QRICH1: variants seen among roughly 807,000 people sequenced by gnomAD.
QRICH1 encodes transcriptional regulator QRICH1.
Under a neutral mutation model 87.1 loss-of-function variants are expected in QRICH1, and 16 were observed. The observed-to-expected ratio is 0.18, with a 90% CI of 0.12 to 0.28. The LOEUF (loss-of-function observed/expected upper bound fraction) is 0.28. QRICH1 is among the 10% of genes least tolerant of loss of function. QRICH1 has a pLI of 1.00. For synonymous variants in QRICH1, 367 were observed against 368.4 expected (o/e 1.00, Z 0.05); for missense variants, 647 against 951.7 (o/e 0.68, Z 4.21).
At position 49,030,329 on chromosome 3, in the gene QRICH1, C is replaced by T; in HGVS notation, c.*123G>A. The stretch of plus-strand genomic sequence containing the variant: ...TCTTTTATATTTTAAACAGAAGCAG[C>T]CTGAAAGGCTTCGTAACTACACCAA... On this transcript the variant is annotated 3_prime_UTR_variant, in exon 10 of 10. Transcript: ENST00000395443. 2 of 918,734 alleles carry T rather than the reference C, an allele frequency of 2.2e-6. No individual in the cohort carries two copies. Among genetic ancestry groups the T allele is most frequent in the Non-Finnish European group, 1.6e-6 (1 of 628,514 alleles). The allele number at this position is 918,734 out of a possible 1,614,324, so 56.9% of individuals were successfully genotyped here. A position where few individuals can be genotyped will look rare whatever the true frequency, so the allele number is the denominator to read the frequency against.
chr3:49,073,123 G>T (rs568348865), intron 2 of QRICH1, among the ~76,000 whole-genome samples: 2 of 152,096 alleles, frequency 1.3e-5, no homozygotes, highest in Non-Finnish European at 2.9e-5. Flanking sequence ...TCTCCAGCAT[G>T]TTTCAGTCCC....
chr3:49,062,888 T>G (rs1018717603), intron 2 of QRICH1, among the ~76,000 whole-genome samples: 1 of 151,680 alleles, frequency 6.6e-6, no homozygotes, highest in Non-Finnish European at 1.5e-5. Context: ...TAGTCCCAGC[T>G]ACTCGGGAGG....
At chr3:49,060,967 C>T (rs2093431114) in intron 2 of QRICH1, among the ~76,000 whole-genome samples, 1 of 151,100 alleles carries the variant, frequency 6.6e-6, no homozygotes, top group Non-Finnish European at 1.5e-5. Flanking sequence ...CCCACCTCTA[C>T]TTCTACTAAA....
At chr3:49,063,804 G>T (rs1196514273) in intron 2 of QRICH1, among the ~76,000 whole-genome samples, 1 of 152,038 alleles carries the variant, frequency 6.6e-6, no homozygotes, top group African/African-American at 2.4e-5. Context: ...CAAAAAACTT[G>T]AATTTGGCCA....
chr3:49,083,186 C>G (rs1482688309), intron 1 of QRICH1: 2 of 112,366 alleles, frequency 1.8e-5, no homozygotes, highest in South Asian at 2.8e-4. Flanking sequence ...AGCCTGGCGA[C>G]AAAGTGAGAC....
At chr3:49,051,278 A>C (rs2093368504) in intron 3 of QRICH1, among the ~76,000 whole-genome samples, 1 of 152,144 alleles carries the variant, frequency 6.6e-6, no homozygotes, top group Admixed American at 6.6e-5. Flanking sequence ...CTTTGGCCTT[A>C]ACCTACTGGA....
Position 49,057,921 on chromosome 3 carries a change from A to G in QRICH1, c.310-31T>C. The G allele has an allele frequency of 2.5e-6, 4 of 1,613,958 alleles. No homozygotes were observed. The highest frequency in any genetic ancestry group is 1.7e-6 in the Non-Finnish European group (2 of 1,180,004). On this transcript the variant is annotated intron_variant, in intron 2 of 9. Coordinates refer to ENST00000395443, the MANE Select transcript of QRICH1 (RefSeq NM_198880.3). The surrounding 1 kb of genome is among the most constrained non-coding windows in gnomAD (Gnocchi z 5.4). ...AGCAACAAGATTCATCAGTGAGTGA[A>G]CCAGGCAGCACTGAAAATCCAGTAC...
At chr3:49,032,123 C>T (rs2093244492) in intron 9 of QRICH1, 60 bp downstream of exon 9, 2 of 1,278,636 alleles carry the variant, frequency 1.6e-6, no homozygotes, top group Admixed American at 1.7e-5. Context: ...CACAAGTGAG[C>T]ATGCACACGC....
intron 3 of QRICH1, among the ~76,000 whole-genome samples, chr3:49,053,896 A>C (rs769938977): frequency 2.0e-5 from 3 of 152,168 alleles, no homozygotes; most frequent in Non-Finnish European, 4.4e-5. Context: ...CATGTGCTGT[A>C]AAGTGGTCCA....
chr3:49,079,499 A>G (rs1019380621), intron 1 of QRICH1, among the ~76,000 whole-genome samples: 9 of 148,048 alleles, frequency 6.1e-5, no homozygotes, highest in African/African-American at 2.2e-4. Context: ...TTATAATTAT[A>G]ATAATTAAAT....
At chr3:49,070,038 AT>A (rs60677491) in intron 2 of QRICH1, among the ~76,000 whole-genome samples, 331 of 143,010 alleles carry the variant, frequency 2.3e-3, no homozygotes, top group Non-Finnish European at 2.5e-3. Flanking sequence ...TTGTCACCAA[AT>A]TTTTTTTTTT....
chr3:49,079,572 C>G (rs982689503), intron 1 of QRICH1, among the ~76,000 whole-genome samples: 16 of 150,780 alleles, frequency 1.1e-4, no homozygotes, highest in African/African-American at 3.9e-4. Flanking sequence ...CAACGATGTC[C>G]ACATCACACA....
At chr3:49,035,347 C>T (rs1488138257) in intron 6 of QRICH1, among the ~76,000 whole-genome samples, 2 of 152,154 alleles carry the variant, frequency 1.3e-5, no homozygotes, top group Non-Finnish European at 2.9e-5. Flanking sequence ...TCTGGGATTA[C>T]AGGCGGGAGC....
At chr3:49,036,172 A>AT (rs1365005768) in intron 6 of QRICH1, among the ~76,000 whole-genome samples, 1 of 152,214 alleles carries the variant, frequency 6.6e-6, no homozygotes, top group Non-Finnish European at 1.5e-5. Flanking sequence ...GGGGCTATAG[A>AT]TAAAAAAAAC....
At chr3:49,058,870 C>T (rs1452221955) in intron 2 of QRICH1, among the ~76,000 whole-genome samples, 24 of 152,286 alleles carry the variant, frequency 1.6e-4, no homozygotes, top group Non-Finnish European at 2.1e-4. Context: ...TCAAGTGATC[C>T]GCCCACCTTG....
intron 2 of QRICH1, among the ~76,000 whole-genome samples, chr3:49,073,699 T>A (rs1368834385): frequency 6.6e-6 from 1 of 151,768 alleles, no homozygotes; most frequent in African/African-American, 2.4e-5. Context: ...CAGGCTGGAG[T>A]GCAGTGGCAC....
intron 1 of QRICH1, among the ~76,000 whole-genome samples, chr3:49,081,094 C>A (rs891688835): frequency 4.0e-5 from 6 of 151,610 alleles, no homozygotes; most frequent in Non-Finnish European, 7.4e-5. Context: ...ACTTTCATAC[C>A]TTTAAGCCTC....
Position 49,046,534 on chromosome 3 carries a change from A to G in QRICH1, c.1562T>C (p.Val521Ala). ...ACAGAGCCCATAATTCAACTCTGCC[A>G]CAGCAGAGGAGATGAGATCTTCCTG... ...RFQEDLISSAVAELNYGLCLM... is the reference protein window; with the variant it reads ...RFQEDLISSAAAELNYGLCLM... The change falls in exon 5 of 10, where the codon GTG (valine) becomes GCG (alanine). Residue 521 changes from valine to alanine, a missense_variant. This residue lies in a region of QRICH1 where 187 missense variants were observed against 309.5 expected (regional missense o/e 0.60). Transcript: ENST00000395443. 1 of 1,614,044 alleles carries G rather than the reference A, an allele frequency of 6.2e-7. No homozygotes were observed. Among genetic ancestry groups the G allele is most frequent in the Non-Finnish European group, 8.5e-7 (1 of 1,179,980 alleles).
At chr3:49,034,861 C>T (rs763855173) in intron 6 of QRICH1, among the ~76,000 whole-genome samples, 1 of 152,188 alleles carries the variant, frequency 6.6e-6, no homozygotes, top group Non-Finnish European at 1.5e-5. Context: ...GAGCAGGCAA[C>T]AGTATTCTCC....
Sources: gnomAD v4.1 joint callset for allele counts (sites outside exome capture counted in the v4.1 genomes callset) on GRCh38, gnomAD v4.1.1 for gene constraint, gnomAD v4.1.1 regional missense constraint, Gnocchi (gnomAD v3.1) non-coding constraint, MANE v1.5 for transcripts, NCBI Gene and HGNC (gene_info 2026-07-23, HGNC 2026-07-21) for gene names.